Variants in NDUFB2 observed in about 807,000 individuals in gnomAD.
The protein encoded by NDUFB2 is NADH:ubiquinone oxidoreductase subunit B2, also known as NADH dehydrogenase [ubiquinone] 1 beta subcomplex subunit 2, mitochondrial.
In NDUFB2, 13 loss-of-function variants were observed where a neutral mutation model predicts 13.4. That is an observed-to-expected ratio of 0.97 (90% CI 0.63 to 1.54). NDUFB2 has a LOEUF of 1.54. NDUFB2 is among the 40% of genes most tolerant of loss of function. The pLI, the probability that NDUFB2 is intolerant of heterozygous loss-of-function variation, is 0.00. For missense variants in NDUFB2, 150 were observed against 139.7 expected (o/e 1.07, Z -0.37); for synonymous variants, 47 against 50.6 (o/e 0.93, Z 0.30).
intron 2 of NDUFB2, among the ~76,000 whole-genome samples, 195 bp downstream of exon 2, chr7:140,703,205 A>T (rs1299480636): frequency 6.7e-6 from 1 of 150,250 alleles, no homozygotes; most frequent in Non-Finnish European, 1.5e-5. Context: ...TTACACGAGG[A>T]TGTATATTTA....
In NDUFB2 at chr7:140,702,959, CAT is replaced by C. The variant is rs757279273; in HGVS notation, c.193_194del (p.Met65ValfsTer11). 1.1e-4 allele frequency: 182 copies of C among 1,613,822 alleles called. No individual in the cohort carries two copies. The highest frequency in any genetic ancestry group is 1.4e-4 in the Non-Finnish European group (170 of 1,180,022). ...TCCAGAGCGAGTTCTTCAGCGGACT[CAT>C]GTGGTTCTGGATTCTCTGGCGCTTT... ...VFQSEFFSGL[M>X]WFWILWRFWH... On this transcript the variant is annotated frameshift_variant, in exon 2 of 4. Transcript: ENST00000247866. LOFTEE classifies it high-confidence loss of function.
chr7:140,706,165 ACTGT>A (rs1420887033), intron 3 of NDUFB2: 11 of 151,976 alleles, frequency 7.2e-5, no homozygotes, highest in Non-Finnish European at 1.6e-4. Context: ...ATCATGGCTC[ACTGT>A]AACCCCAACC....
chr7:140,697,304 C>T (rs1320680461), intron 1 of NDUFB2: 3 of 702,812 alleles, frequency 4.3e-6, no homozygotes, highest in Non-Finnish European at 5.2e-6. Context: ...AGCCTTTAAT[C>T]GGAGACGTCA....
rs745530145 is a variant in NDUFB2 at position 140,696,815 on chromosome 7, G to A, written c.71G>A (p.Arg24Gln). Residue 24 changes from arginine to glutamine, a missense_variant, in exon 1 of 4, where the codon CGG becomes CAG. Physicochemically the swap from Arg to Gln is conservative, Grantham distance 43 (BLOSUM62 1). Coordinates refer to ENST00000247866, the MANE Select transcript of NDUFB2 (RefSeq NM_004546.3). ...GGRLFRSGCA[R>Q]TAGDGGVRHA... ...CGCCTTTTCAGAAGCGGCTGCGCAC[G>A]GACTGCTGGAGATGGTGGAGTCCGT... 17 of 1,608,868 alleles carry A rather than the reference G, an allele frequency of 1.1e-5. No homozygotes were observed. The highest frequency in any genetic ancestry group is 1.4e-5 in the Non-Finnish European group (17 of 1,177,980).
chr7:140,706,065 G>GTTATGTTATGTTTTATGTTATGTTATGTT (rs1563216379), intron 3 of NDUFB2: 1 of 137,682 alleles, frequency 7.3e-6, no homozygotes, highest in African/African-American at 3.0e-5. Context: ...TATGTTTTAT[G>GTTATGTTATGTTTTATGTTATGTTATGTT]TTATGTTATG....
In NDUFB2 at chr7:140,703,021, G is replaced by A; in HGVS notation, c.243+11G>A. The A allele has an allele frequency of 6.2e-7, 1 of 1,613,114 alleles. No individual in the cohort carries two copies. ...TCAGAAGAGGTGCTGGTAAGTGCAG[G>A]AGAAGAGCACTTGTCGTTTTTTGGG... On this transcript the variant is annotated intron_variant, in intron 2 of 3. Coordinates refer to ENST00000247866, the MANE Select transcript of NDUFB2 (RefSeq NM_004546.3).
At position 140,698,251 on chromosome 7, in the gene NDUFB2, A is replaced by C. The variant is rs766102629; in HGVS notation, c.98+1409A>C. 3.7e-5 allele frequency: 50 copies of C among 1,351,710 alleles called. No individual in the cohort carries two copies. The African/African-American group carries it at 6.3e-4, about 17-fold the overall frequency. The allele number at this position is 1,351,710 out of a possible 1,614,324, so 83.7% of individuals were successfully genotyped here. ...TGGTCCTGCATGAGGAGATGGGGGA[A>C]TGCCGATCTTCCCTGAGGTGCTGGC... is the stretch of plus-strand genomic sequence containing the variant. On this transcript the variant is annotated intron_variant, in intron 1 of 3. Transcript: ENST00000247866.
chr7:140,698,224 C>T (rs987360804), intron 1 of NDUFB2: 3 of 1,351,890 alleles, frequency 2.2e-6, no homozygotes, highest in Non-Finnish European at 2.9e-6. Context: ...AGCGACAGCC[C>T]TTGGTCCTGC....
In NDUFB2 at chr7:140,703,310, C is replaced by T. The variant is rs369881517; in HGVS notation, c.243+300C>T. ...TTTTTTTTTGAGACACAGTTTCACT[C>T]TGTCACCAGGCAGGAGTGCAGTGGC... is the stretch of plus-strand genomic sequence containing the variant. On this transcript the variant is annotated intron_variant, in intron 2 of 3. Coordinates refer to ENST00000247866, the MANE Select transcript of NDUFB2 (RefSeq NM_004546.3). Among the ~76,000 whole-genome samples the T allele has an allele frequency of 4.3e-5, 6 of 139,566 alleles. No homozygotes were observed. The East Asian group carries it at 1.3e-3, about 30-fold the overall frequency. The allele number at this position is 139,566 out of a possible 152,430, so 91.6% of individuals were successfully genotyped here.
At chr7:140,701,770 T>TAAAA in intron 1 of NDUFB2, 1 of 259,620 alleles carries the variant, frequency 3.9e-6, no homozygotes, top group African/African-American at 2.4e-5. Context: ...CCGTCTCTAC[T>TAAAA]AAAAAAAAAA....
At chr7:140,699,050 G>T (rs1256638892) in intron 1 of NDUFB2, among the ~76,000 whole-genome samples, 2 of 151,970 alleles carry the variant, frequency 1.3e-5, no homozygotes, top group Non-Finnish European at 2.9e-5. Context: ...CCCAGCTACT[G>T]GGGAGGCTGA....
intron 1 of NDUFB2, chr7:140,697,142 C>T (rs1794821083): frequency 3.4e-6 from 2 of 585,718 alleles, no homozygotes; most frequent in South Asian, 2.1e-5. Flanking sequence ...CAGTCGGCGC[C>T]GGCGCGGGCG....
chr7:140,703,478 T>C (rs889727315), intron 2 of NDUFB2, among the ~76,000 whole-genome samples: 3 of 152,146 alleles, frequency 2.0e-5, no homozygotes, highest in South Asian at 4.2e-4. Context: ...TTTCACCATG[T>C]TGGTCAGGCT....
In NDUFB2 at chr7:140,703,048, G is replaced by C. The variant is rs141345742; in HGVS notation, c.243+38G>C. The stretch of plus-strand genomic sequence containing the variant: ...GAAGAGCACTTGTCGTTTTTTGGGT[G>C]GGGGAGGGAGGATGTATTAATAGCT... On this transcript the variant is annotated intron_variant, in intron 2 of 3. Transcript: ENST00000247866. The C allele has an allele frequency of 4.0e-5, 64 of 1,605,336 alleles. No homozygotes were observed. In the African/African-American group the frequency reaches 7.8e-4, roughly 19 times the overall value.
chr7:140,698,408 C>G (rs1297538222), intron 1 of NDUFB2: 1 of 1,103,816 alleles, frequency 9.1e-7, no homozygotes, highest in Non-Finnish European at 1.2e-6. Flanking sequence ...ATGAAGTGTA[C>G]ATTCTGGAGA....
Position 140,697,354 on chromosome 7 carries a change from A to C in NDUFB2, c.98+512A>C, listed in dbSNP as rs768080963. 3 of 702,898 alleles carry C rather than the reference A, an allele frequency of 4.3e-6. No individual in the cohort carries two copies. In the Admixed American group the frequency reaches 6.0e-5, roughly 14 times the overall value. 43.5% of individuals were successfully genotyped at this position (702,898 alleles called of 1,614,324 possible). ...AATGCTGAAAAATCACTCTGGCTGC[A>C]GGGAGTGGAGGCTGTCGCCCAGAGA... On this transcript the variant is annotated intron_variant, in intron 1 of 3. Coordinates refer to ENST00000247866, the MANE Select transcript of NDUFB2 (RefSeq NM_004546.3).
chr7:140,697,290 C>T (rs1440466194), intron 1 of NDUFB2: 2 of 702,410 alleles, frequency 2.8e-6, no homozygotes, highest in South Asian at 1.5e-5. Context: ...AGAGTCTGTT[C>T]GGCAGCCTTT....
At chr7:140,704,703 G>A (rs1422627254) in intron 2 of NDUFB2, among the ~76,000 whole-genome samples, 157 bp from the exon 3 acceptor site, 1 of 151,934 alleles carries the variant, frequency 6.6e-6, no homozygotes, top group Non-Finnish European at 1.5e-5. Flanking sequence ...TAAAGAACAG[G>A]TGGGCCATCG....
chr7:140,698,122 A>C (rs1197637040), intron 1 of NDUFB2: 1 of 1,351,762 alleles, frequency 7.4e-7, no homozygotes, highest in Non-Finnish European at 9.8e-7. Context: ...GAAGTCCCAC[A>C]TGGATGAAGA....
Sources: allele counts gnomAD v4.1 joint callset (sites outside exome capture counted in the v4.1 genomes callset), GRCh38; gene constraint gnomAD v4.1.1; transcripts MANE v1.5; gene names NCBI Gene and HGNC (gene_info 2026-07-23, HGNC 2026-07-21).